AGMO: variants seen among roughly 807,000 people sequenced by gnomAD.
The protein encoded by AGMO is glyceryl-ether monooxygenase.
Under a neutral mutation model 60.2 loss-of-function variants are expected in AGMO, and 75 were observed. That is an observed-to-expected ratio of 1.25 (90% CI 1.03 to 1.51). The LOEUF (loss-of-function observed/expected upper bound fraction) is 1.51, where lower values mean the gene tolerates loss of function less well. Among genes scored for constraint, AGMO ranks in the 40% most tolerant of loss-of-function variants. AGMO has a pLI of 0.00. For missense variants in AGMO, 763 were observed against 525.5 expected, an observed-to-expected ratio of 1.45 and a Z score of -4.42; for synonymous variants, 261 against 177.1, an observed-to-expected ratio of 1.47 and a Z score of -3.76.
At chr7:15,498,749 G>A (rs1433287575) in intron 3 of AGMO, among the ~76,000 whole-genome samples, 2 of 151,912 alleles carry the variant, frequency 1.3e-5, no homozygotes, top group Non-Finnish European at 2.9e-5. Context: ...ATATGAACAT[G>A]TAAATGGTAT....
intron 12 of AGMO, among the ~76,000 whole-genome samples, chr7:15,245,633 A>G (rs553636274): frequency 6.6e-6 from 1 of 152,348 alleles, no homozygotes; most frequent in East Asian, 1.9e-4. Flanking sequence ...TTTCATATAC[A>G]TGTTCTGAGT....
At chr7:15,132,949 G>C in the AGMO span, among the ~76,000 whole-genome samples, 3 of 152,108 alleles carry the variant, frequency 2.0e-5, no homozygotes, top group Admixed American at 6.6e-5. Context: ...AAAGGCAAGA[G>C]GGATGCAAGA....
the AGMO span, among the ~76,000 whole-genome samples, chr7:15,142,007 T>C: frequency 3.3e-5 from 5 of 152,174 alleles, no homozygotes; most frequent in East Asian, 9.7e-4. Flanking sequence ...CTTAACCTTT[T>C]GCTAATTCTC....
intron 12 of AGMO, among the ~76,000 whole-genome samples, chr7:15,249,690 TG>T (rs1055327762): frequency 1.3e-5 from 2 of 151,778 alleles, no homozygotes; most frequent in East Asian, 1.9e-4. Flanking sequence ...AAGGATGTGA[TG>T]GGGGGGAAAT....
intron 2 of AGMO, among the ~76,000 whole-genome samples, chr7:15,559,039 C>T (rs544471315): frequency 6.6e-6 from 1 of 152,168 alleles, no homozygotes; most frequent in African/African-American, 2.4e-5. Flanking sequence ...TAAGCCCTCA[C>T]GTGTTGAAGA....
At chr7:15,365,776 A>G (rs953198056) in intron 11 of AGMO, among the ~76,000 whole-genome samples, 157 bp from the exon 12 acceptor site, 3 of 152,090 alleles carry the variant, frequency 2.0e-5, no homozygotes, top group Non-Finnish European at 4.4e-5. Context: ...ACAGTGATTA[A>G]GAAAGAACAC....
the AGMO span, among the ~76,000 whole-genome samples, chr7:15,126,125 T>C: frequency 7.9e-5 from 12 of 152,090 alleles, no homozygotes; most frequent in African/African-American, 1.4e-4. Context: ...CATAGCATAA[T>C]AGAAACTACA....
At chr7:15,384,005 G>A (rs1045967939) in intron 10 of AGMO, among the ~76,000 whole-genome samples, 9 of 151,820 alleles carry the variant, frequency 5.9e-5, no homozygotes, top group African/African-American at 1.4e-4. Flanking sequence ...GCGCGATCTC[G>A]GCTCACTGCA....
chr7:15,363,351 T>C (rs1782839471), intron 12 of AGMO, among the ~76,000 whole-genome samples: 1 of 152,156 alleles, frequency 6.6e-6, no homozygotes, highest in South Asian at 2.1e-4. Flanking sequence ...GTAACAACAG[T>C]GCCTAACTTT....
chr7:15,337,122 A>G (rs776147423), intron 12 of AGMO, among the ~76,000 whole-genome samples: 4 of 152,144 alleles, frequency 2.6e-5, no homozygotes, highest in Non-Finnish European at 5.9e-5. Flanking sequence ...AATCCGTGGG[A>G]TAAGGAGCAA....
chr7:15,214,492 A>T (rs759043125), intron 12 of AGMO, among the ~76,000 whole-genome samples: 72 of 151,986 alleles, frequency 4.7e-4, no homozygotes, highest in Non-Finnish European at 1.0e-4. Context: ...ACGCTTTATG[A>T]CAATTTTCTC....
chr7:15,394,067 T>C (rs762461245), intron 6 of AGMO, 46 bp downstream of exon 6: 127 of 1,422,490 alleles, frequency 8.9e-5, no homozygotes, highest in Non-Finnish European at 1.2e-4. Flanking sequence ...AATAATGCAA[T>C]TTTTAGAGAA....
the AGMO span, among the ~76,000 whole-genome samples, chr7:15,148,900 C>T: frequency 6.6e-6 from 1 of 152,208 alleles, no homozygotes; most frequent in East Asian, 1.9e-4. Context: ...GAACTGCTGT[C>T]CACGGTGGGT....
intron 3 of AGMO, among the ~76,000 whole-genome samples, chr7:15,527,128 A>G (rs916101685): frequency 1.3e-5 from 2 of 152,206 alleles, no homozygotes; most frequent in Admixed American, 6.5e-5. Context: ...AAAGTTTCAC[A>G]TATCTCTCAC....
chr7:15,529,010 T>C (rs1211712555), intron 3 of AGMO, among the ~76,000 whole-genome samples: 1 of 152,064 alleles, frequency 6.6e-6, no homozygotes, highest in East Asian at 1.9e-4. Context: ...AGTGGGGTTA[T>C]GGCATCAACT....
intron 10 of AGMO, among the ~76,000 whole-genome samples, chr7:15,379,496 C>T (rs1476242152): frequency 6.6e-6 from 1 of 151,976 alleles, no homozygotes; most frequent in Non-Finnish European, 1.5e-5. Flanking sequence ...CATGCACATA[C>T]ACTAGAAAAT....
chr7:15,534,692 T>C (rs1268822550), intron 3 of AGMO, among the ~76,000 whole-genome samples: 1 of 151,882 alleles, frequency 6.6e-6, no homozygotes, highest in African/African-American at 2.4e-5. Flanking sequence ...AGCTTTGGAT[T>C]ATGTTATATG....
At chr7:15,528,644 T>TTTTA (rs1438790987) in intron 3 of AGMO, among the ~76,000 whole-genome samples, 3 of 151,798 alleles carry the variant, frequency 2.0e-5, no homozygotes, top group Non-Finnish European at 4.4e-5. Context: ...TACAGACCAT[T>TTTTA]TTTATTTATT....
At chr7:15,245,660 A>G (rs1011757161) in intron 12 of AGMO, among the ~76,000 whole-genome samples, 3 of 152,016 alleles carry the variant, frequency 2.0e-5, no homozygotes. Flanking sequence ...AGTTATGAAC[A>G]ATTTTCGCTA....
Sources: gnomAD v4.1 joint callset for allele counts (sites outside exome capture counted in the v4.1 genomes callset) on GRCh38, gnomAD v4.1.1 for gene constraint, MANE v1.5 for transcripts, NCBI Gene and HGNC (gene_info 2026-07-23, HGNC 2026-07-21) for gene names.